The following FLYWCH1 variants were observed in gnomAD, a reference collection of about 807,000 sequenced individuals.
FLYWCH1 encodes FLYWCH-type zinc finger 1, also known as FLYWCH-type zinc finger-containing protein 1.
FLYWCH1 carries 75 observed loss-of-function variants against 66.4 expected under a neutral mutation model. That is an observed-to-expected ratio of 1.13 (90% CI 0.94 to 1.37). The LOEUF is 1.37. Among genes scored for constraint, FLYWCH1 ranks in the 40% most tolerant of loss-of-function variants. FLYWCH1 has a pLI of 0.00. For synonymous variants in FLYWCH1, 595 were observed against 429.9 expected (o/e 1.38, Z -4.75); for missense variants, 1,334 against 1,001.8 (o/e 1.33, Z -4.48).
rs958025311 is a variant in FLYWCH1, at chr16:2,933,449, G to C, written c.1116G>C (p.Leu372Phe). 9 of 1,601,188 alleles carry C rather than the reference G, an allele frequency of 5.6e-6. No homozygotes were observed. The highest frequency in any genetic ancestry group is 1.1e-5 in the South Asian group (1 of 89,210). Residue 372 changes from leucine (L) to phenylalanine (F), a missense_variant, in exon 5 of 10, where the codon TTG becomes TTC. By Grantham distance (22) the Leu-to-Phe change is conservative (BLOSUM62 0). Coordinates refer to ENST00000253928, the MANE Select transcript of FLYWCH1 (RefSeq NM_001308068.2). The part of the protein sequence containing the change: ...VDTLLRGVDS[L>F]LYRRGPGPLT... ...CGCTGCTCCGAGGCGTGGATAGTTTGCTCTACCGCAGGGGTCCGGGTCCCC... is the reference window on the plus strand; with the variant it reads ...CGCTGCTCCGAGGCGTGGATAGTTTCCTCTACCGCAGGGGTCCGGGTCCCC...
At chr16:2,915,814 A>AG (rs1017579134) in intron 2 of FLYWCH1, among the ~76,000 whole-genome samples, 3 of 149,604 alleles carry the variant, frequency 2.0e-5, no homozygotes, top group South Asian at 2.1e-4. Flanking sequence ...AAAAAAAAAA[A>AG]AGAGAGAATC....
At position 2,941,953 on chromosome 16, in the gene FLYWCH1, C is replaced by A. The variant is rs576613821; in HGVS notation, c.2111+1861C>A. Among the ~76,000 whole-genome samples, 3 of 127,650 alleles carry A rather than the reference C, an allele frequency of 2.4e-5. No homozygotes were observed. The East Asian group carries it at 7.7e-4, about 33-fold the overall frequency. The allele number at this position is 127,650 out of a possible 152,430, so 83.7% of individuals were successfully genotyped here. On this transcript the variant is annotated intron_variant, in intron 9 of 9. Coordinates refer to ENST00000253928, the MANE Select transcript of FLYWCH1 (RefSeq NM_001308068.2). The stretch of plus-strand genomic sequence containing the variant: ...TGGAGGTTGCAGTGAGTCGAGATTG[C>A]GCCACTGCACTCCAGCCTGGGCGAC...
intron 6 of FLYWCH1, 121 bp from the exon 7 acceptor site, chr16:2,937,000 C>A: frequency 2.1e-6 from 2 of 937,918 alleles, no homozygotes; most frequent in Non-Finnish European, 2.7e-6. Flanking sequence ...GTCCTGGGCT[C>A]CGGGGCCACC....
chr16:2,933,136 C>CT lies in FLYWCH1; in HGVS notation c.803_804insT (p.Arg269ProfsTer103), dbSNP rs769671434. The CT allele has an allele frequency of 1.2e-6, 2 of 1,612,554 alleles. No homozygotes were observed. The highest frequency in any genetic ancestry group is 8.5e-7 in the Non-Finnish European group (1 of 1,179,258). On this transcript the variant is annotated frameshift_variant, in exon 5 of 10. Transcript: ENST00000253928. LOFTEE classifies it high-confidence loss of function. ...ACTTGGGTCTCTCCTCTAGGACAGG[C>CT]CCGGCCCCTCGAGTTCCTGAGGACG...
intron 2 of FLYWCH1, among the ~76,000 whole-genome samples, chr16:2,916,976 C>G (rs996638386): frequency 2.4e-5 from 2 of 83,286 alleles, no homozygotes; most frequent in African/African-American, 9.1e-5. Flanking sequence ...AACCCCATCT[C>G]TAGTAAAAAA....
At position 2,930,453 on chromosome 16, in the gene FLYWCH1, C is replaced by T. The variant is rs765866677; in HGVS notation, c.369C>T (p.Gly123=). 20 of 1,496,848 alleles carry T rather than the reference C, an allele frequency of 1.3e-5. No individual in the cohort carries two copies. Among genetic ancestry groups the T allele is most frequent in the Non-Finnish European group, 1.7e-5 (19 of 1,125,314 alleles). The allele number at this position is 1,496,848 out of a possible 1,614,324, so 92.7% of individuals were successfully genotyped here. A position where few individuals can be genotyped will look rare whatever the true frequency, so the allele number is the denominator to read the frequency against. ...SLEFLRTPFG[G]RLLVLESFLY... The stretch of plus-strand genomic sequence containing the variant: ...AGTTCCTGAGGACACCATTCGGGGG[C>T]CGCCTCCTGGTGCTGGAGTCCTTCC... The change falls in exon 4 of 10, where the codon GGC becomes GGT. Residue 123 remains glycine (G), a synonymous_variant. Coordinates refer to ENST00000253928, the MANE Select transcript of FLYWCH1 (RefSeq NM_001308068.2).
rs1348124875 is a variant in FLYWCH1 at position 2,950,106 on chromosome 16, C to T, written c.*1379C>T. 2 of 152,090 alleles carry T rather than the reference C, an allele frequency of 1.3e-5. No homozygotes were observed. Among genetic ancestry groups the T allele is most frequent in the Non-Finnish European group, 2.9e-5 (2 of 68,004 alleles). 9.4% of individuals were successfully genotyped at this position (152,090 alleles called of 1,614,324 possible). The stretch of plus-strand genomic sequence containing the variant: ...TGGAAGAGGCAGGATGCTCTGTTCT[C>T]GCCATTAGCCTGCGTTACGCCTAGA... On this transcript the variant is annotated 3_prime_UTR_variant, in exon 10 of 10. Coordinates refer to ENST00000253928, the MANE Select transcript of FLYWCH1 (RefSeq NM_001308068.2).
chr16:2,930,980 A>T (rs1291420764), intron 4 of FLYWCH1, 100 bp downstream of exon 4: 1 of 899,294 alleles, frequency 1.1e-6, no homozygotes, highest in East Asian at 2.7e-5. Context: ...AGGGTCTTTT[A>T]AAATGTACTC....
Position 2,949,036 on chromosome 16 carries a change from C to T in FLYWCH1, c.*309C>T, listed in dbSNP as rs2071599156. The T allele has an allele frequency of 2.4e-6, 1 of 418,678 alleles. No homozygotes were observed. Among genetic ancestry groups the T allele is most frequent in the African/African-American group, 2.0e-5 (1 of 49,366 alleles). 25.9% of individuals were successfully genotyped at this position (418,678 alleles called of 1,614,324 possible). ...GGACACGGACGCCCCTGCTGTACGG[C>T]CACAGCACCCCTGGGTTTGCAGAGC... On this transcript the variant is annotated 3_prime_UTR_variant, in exon 10 of 10. Coordinates refer to ENST00000253928, the MANE Select transcript of FLYWCH1 (RefSeq NM_001308068.2).
Position 2,932,173 on chromosome 16 carries a change from C to T in FLYWCH1, c.797-957C>T, listed in dbSNP as rs139502736. Among the ~76,000 whole-genome samples, 805 of 143,752 alleles carry T rather than the reference C, an allele frequency of 5.6e-3. 9 individuals carry two copies. Among genetic ancestry groups the T allele is most frequent in the African/African-American group, 0.019 (743 of 38,224 alleles). The allele number at this position is 143,752 out of a possible 152,430, so 94.3% of individuals were successfully genotyped here. On this transcript the variant is annotated intron_variant, in intron 4 of 9. Transcript: ENST00000253928. ...GGAGGCGCCTGCAATCCCAGTTACT[C>T]GGGAGGCTAAGGCAGAATTGCTTGG... is the stretch of plus-strand genomic sequence containing the variant.
At chr16:2,920,064 G>A (rs181647622) in intron 2 of FLYWCH1, among the ~76,000 whole-genome samples, 13 of 152,216 alleles carry the variant, frequency 8.5e-5, no homozygotes, top group Non-Finnish European at 8.8e-5. Context: ...AATGGAAGTA[G>A]TTGTGCATTT....
At chr16:2,928,640 G>T (rs761358270) in intron 2 of FLYWCH1, among the ~76,000 whole-genome samples, 1 of 152,102 alleles carries the variant, frequency 6.6e-6, no homozygotes, top group Admixed American at 6.6e-5. Flanking sequence ...ATTTTTCTTC[G>T]TACAGATCAA....
intron 2 of FLYWCH1, among the ~76,000 whole-genome samples, chr16:2,923,951 G>C (rs1206156916): frequency 6.6e-6 from 1 of 152,050 alleles, no homozygotes; most frequent in Non-Finnish European, 1.5e-5. Context: ...AGGCAGAATA[G>C]CTTGAAACTC....
chr16:2,923,724 T>G (rs933217456), intron 2 of FLYWCH1, among the ~76,000 whole-genome samples: 3 of 152,114 alleles, frequency 2.0e-5, no homozygotes, highest in Non-Finnish European at 4.4e-5. Context: ...CATAACCGTT[T>G]GCATTATTCC....
chr16:2,933,049 AG>A (rs1409480148), intron 4 of FLYWCH1, 80 bp from the exon 5 acceptor site: 2 of 1,259,918 alleles, frequency 1.6e-6, no homozygotes. Context: ...GGCTCGTGTC[AG>A]CCCCCACAGT....
In FLYWCH1 at chr16:2,939,300, C is replaced by G. The variant is rs538864059; in HGVS notation, c.2051-732C>G. On this transcript the variant is annotated intron_variant, in intron 8 of 9. Transcript: ENST00000253928. ...GTCTCTACTAAAAATACAAAATTAG[C>G]TGGACATGGTGACGCATGCCTGTAA... Among the ~76,000 whole-genome samples, 13 of 152,174 alleles carry G rather than the reference C, an allele frequency of 8.5e-5. 1 individual carries two copies. The highest frequency in any genetic ancestry group is 2.9e-4 in the African/African-American group (12 of 41,552).
Position 2,933,744 on chromosome 16 carries a change from G to T in FLYWCH1, c.1278G>T (p.Leu426=), listed in dbSNP as rs186008408. Residue 426 remains leucine, a synonymous_variant, in exon 6 of 10, where the codon CTG becomes CTT. Coordinates refer to ENST00000253928, the MANE Select transcript of FLYWCH1 (RefSeq NM_001308068.2). ...PGGPEFLKTP[L]GGSFLVYESF... ...GCCCTGAGTTCCTGAAGACGCCCCT[G>T]GGGGGCAGCTTCCTGGTGTACGAGT... 3 of 1,612,312 alleles carry T rather than the reference G, an allele frequency of 1.9e-6. No individual in the cohort carries two copies. Among genetic ancestry groups the T allele is most frequent in the East Asian group, 2.2e-5 (1 of 44,762 alleles).
chr16:2,943,571 C>T (rs1395720217), intron 9 of FLYWCH1: 2 of 151,746 alleles, frequency 1.3e-5, no homozygotes, highest in Non-Finnish European at 2.9e-5. Context: ...AACACGCTTT[C>T]ATGATAAAAA....
chr16:2,944,247 G>T (rs1260147296), intron 9 of FLYWCH1, among the ~76,000 whole-genome samples: 1 of 150,142 alleles, frequency 6.7e-6, no homozygotes, highest in Non-Finnish European at 1.5e-5. Context: ...GCCAGGCTTG[G>T]CTACAGGTAC....
Sources: allele counts gnomAD v4.1 joint callset (sites outside exome capture counted in the v4.1 genomes callset), GRCh38; gene constraint gnomAD v4.1.1; transcripts MANE v1.5; gene names NCBI Gene and HGNC (gene_info 2026-07-23, HGNC 2026-07-21).